RBFOX1: variants seen among roughly 807,000 people sequenced by gnomAD.
RBFOX1 encodes the protein RNA binding fox-1 homolog 1.
RBFOX1 carries 8 observed loss-of-function variants against 57.7 expected under a neutral mutation model. The ratio of observed to expected loss-of-function variants is 0.14; its 90% CI spans 0.08 to 0.25. The LOEUF (loss-of-function observed/expected upper bound fraction) is 0.25. Among genes scored for constraint, RBFOX1 ranks in the 10% least tolerant of loss-of-function variants. The pLI is 1.00. For missense variants in RBFOX1, 611 were observed against 548.5 expected (o/e 1.11, Z -1.14); for synonymous variants, 326 against 222.4 (o/e 1.47, Z -4.15).
At chr16:6,757,381 T>C (rs1030846918) in intron 3 of RBFOX1, among the ~76,000 whole-genome samples, 5 of 152,164 alleles carry the variant, frequency 3.3e-5, no homozygotes, top group Non-Finnish European at 5.9e-5. Context: ...ATAGCAAAGA[T>C]ATAAAATCAA....
chr16:7,047,380 T>A (rs1017809675), intron 3 of RBFOX1, among the ~76,000 whole-genome samples: 2 of 152,290 alleles, frequency 1.3e-5, no homozygotes, highest in Non-Finnish European at 2.9e-5. Context: ...CTGACCTCTC[T>A]GGATTTTTGT....
chr16:7,348,634 C>G (rs376696072), intron 4 of RBFOX1, among the ~76,000 whole-genome samples: 16 of 152,260 alleles, frequency 1.1e-4, no homozygotes, highest in African/African-American at 3.9e-4. Flanking sequence ...GCAAAACAAT[C>G]CTATAGATTA....
chr16:5,293,999 C>T (rs530761219), intron 1 of RBFOX1, among the ~76,000 whole-genome samples: 12 of 152,086 alleles, frequency 7.9e-5, no homozygotes, highest in East Asian at 1.9e-4. Context: ...GAGGCCAAGG[C>T]GGGTAGAACA....
chr16:5,913,883 A>C (rs1325574487), intron 4 of RBFOX1, among the ~76,000 whole-genome samples: 1 of 152,232 alleles, frequency 6.6e-6, no homozygotes, highest in African/African-American at 2.4e-5. Flanking sequence ...TATATGAATG[A>C]CATCTTTCTT....
intron 4 of RBFOX1, among the ~76,000 whole-genome samples, chr16:7,187,561 C>T (rs28412923): frequency 0.039 from 5,842 of 150,982 alleles, 372 homozygotes; most frequent in African/African-American, 0.13. Flanking sequence ...TGGTGGCGGG[C>T]GCCTGTAGTC....
intron 4 of RBFOX1, among the ~76,000 whole-genome samples, chr16:7,172,545 G>A (rs1022989440): frequency 6.6e-6 from 1 of 152,052 alleles, no homozygotes; most frequent in Non-Finnish European, 1.5e-5. Context: ...CTGAGAAATT[G>A]TGCCAAGTTC....
intron 2 of RBFOX1, among the ~76,000 whole-genome samples, chr16:6,591,609 A>G (rs2097712272): frequency 1.3e-5 from 2 of 152,170 alleles, no homozygotes; most frequent in Non-Finnish European, 2.9e-5. Flanking sequence ...TTGTCAGATG[A>G]TAGAAACTGC....
chr16:5,919,587 G>A (rs548292333), intron 4 of RBFOX1, among the ~76,000 whole-genome samples: 7 of 152,180 alleles, frequency 4.6e-5, no homozygotes, highest in South Asian at 4.2e-4. Flanking sequence ...GAGGTGATCC[G>A]CATGCCTCGG....
chr16:7,623,473 A>T (rs1440613090), intron 10 of RBFOX1, among the ~76,000 whole-genome samples: 1 of 152,170 alleles, frequency 6.6e-6, no homozygotes, highest in Non-Finnish European at 1.5e-5. Flanking sequence ...AGGAACACAC[A>T]ACCAAGATCC....
At chr16:5,678,936 C>G (rs775526853) in intron 3 of RBFOX1, among the ~76,000 whole-genome samples, 4 of 152,096 alleles carry the variant, frequency 2.6e-5, no homozygotes, top group Non-Finnish European at 5.9e-5. Flanking sequence ...AATGGTAATG[C>G]GGAGGATGTA....
rs546920954 is a variant in RBFOX1, at chr16:6,170,765, G to A, written c.-126-146230G>A. Among the ~76,000 whole-genome samples the A allele has an allele frequency of 7.8e-4, 119 of 152,032 alleles. 1 individual carries two copies. The highest frequency in any genetic ancestry group is 2.4e-3 in the African/African-American group (98 of 41,478). ...CCTCCCACCCTCTATCCTCAAGCAGGCCCCACTGTCTCTTGTTTCCTTATC... is the reference window on the plus strand; with the variant it reads ...CCTCCCACCCTCTATCCTCAAGCAGACCCCACTGTCTCTTGTTTCCTTATC... On this transcript the variant is annotated intron_variant, in intron 1 of 15. Transcript: ENST00000550418.
chr16:6,370,927 G>A lies in RBFOX1; in HGVS notation c.-64+53870G>A, dbSNP rs1209185867. On this transcript the variant is annotated intron_variant, in intron 2 of 15. Transcript: ENST00000550418. ...AATTAAAATAACAAGAAAACACAAG[G>A]CAGTTATTTACTTTGTGGATGACCC... 2.0e-5 allele frequency among the ~76,000 whole-genome samples: 3 copies of A among 152,142 alleles called. No homozygotes were observed. In the South Asian group the frequency reaches 6.2e-4, roughly 32 times the overall value.
intron 2 of RBFOX1, among the ~76,000 whole-genome samples, chr16:6,510,124 C>CTT (rs945861075): frequency 1.3e-5 from 2 of 152,130 alleles, no homozygotes; most frequent in Non-Finnish European, 2.9e-5. Context: ...ATCCTGAGCT[C>CTT]TTTGATGGGA....
intron 10 of RBFOX1, among the ~76,000 whole-genome samples, chr16:7,627,118 C>T (rs563023948): frequency 2.1e-4 from 28 of 135,074 alleles, no homozygotes; most frequent in Admixed American, 3.0e-4. Context: ...GAAGCCCCTC[C>T]GCCTCCTTTT....
chr16:5,906,010 G>C (rs4786790), intron 4 of RBFOX1, among the ~76,000 whole-genome samples: 7 of 152,338 alleles, frequency 4.6e-5, no homozygotes, highest in Admixed American at 4.6e-4. Context: ...GGCAGGGGAG[G>C]ATGCTGTCTG....
chr16:6,771,713 C>T (rs1481270773), intron 3 of RBFOX1, among the ~76,000 whole-genome samples: 1 of 152,228 alleles, frequency 6.6e-6, no homozygotes, highest in Non-Finnish European at 1.5e-5. Context: ...TATAATGCTA[C>T]TGGCGTCTAG....
intron 1 of RBFOX1, among the ~76,000 whole-genome samples, chr16:6,071,021 A>G (rs1246356189): frequency 6.6e-6 from 1 of 152,138 alleles, no homozygotes; most frequent in Non-Finnish European, 1.5e-5. Context: ...ACCAAATTTT[A>G]TACATGCTAA....
At chr16:6,173,487 C>A (rs1025539230) in intron 1 of RBFOX1, among the ~76,000 whole-genome samples, 2 of 152,080 alleles carry the variant, frequency 1.3e-5, no homozygotes, top group Admixed American at 1.3e-4. Context: ...ACACACTCCA[C>A]TCACCAGTGG....
At chr16:7,681,696 T>C (rs1215908934) in intron 14 of RBFOX1, among the ~76,000 whole-genome samples, 3 of 152,122 alleles carry the variant, frequency 2.0e-5, no homozygotes, top group East Asian at 3.9e-4. Flanking sequence ...GAAGATGTTG[T>C]ATTTTATGGA....
Sources: allele counts gnomAD v4.1 joint callset (sites outside exome capture counted in the v4.1 genomes callset), GRCh38; gene constraint gnomAD v4.1.1; transcripts MANE v1.5; gene names NCBI Gene and HGNC (gene_info 2026-07-23, HGNC 2026-07-21).